Variants in NRXN3 observed in about 807,000 individuals in gnomAD.
NRXN3 encodes neurexin 3.
Under a neutral mutation model 137.6 loss-of-function variants are expected in NRXN3, and 32 were observed. The ratio of observed to expected loss-of-function variants is 0.23; its 90% CI spans 0.18 to 0.31. The LOEUF (loss-of-function observed/expected upper bound fraction) is 0.31. Ranked by LOEUF, NRXN3 falls within the 10% of genes least tolerant of loss-of-function variation. NRXN3 has a pLI of 1.00. For synonymous variants in NRXN3, 798 were observed against 784.5 expected, an observed-to-expected ratio of 1.02 and a Z score of -0.29; for missense variants, 1,574 against 2,062.5, an observed-to-expected ratio of 0.76 and a Z score of 4.59.
chr14:78,425,143 A>G (rs997131050), intron 4 of NRXN3, among the ~76,000 whole-genome samples: 3 of 152,352 alleles, frequency 2.0e-5, no homozygotes, highest in African/African-American at 7.2e-5. Flanking sequence ...CAATGTACTC[A>G]AGATGGATCA....
intron 4 of NRXN3, among the ~76,000 whole-genome samples, chr14:78,301,323 G>A (rs1057266048): frequency 6.6e-6 from 1 of 152,198 alleles, no homozygotes; most frequent in African/African-American, 2.4e-5. Flanking sequence ...AGGAGAAAGA[G>A]ATAACGTAGG....
At chr14:79,129,575 G>A (rs1045907920) in intron 15 of NRXN3, among the ~76,000 whole-genome samples, 1 of 136,012 alleles carries the variant, frequency 7.4e-6, no homozygotes, top group Non-Finnish European at 1.6e-5. Flanking sequence ...TTTTACATTT[G>A]CTGAGGAGAG....
chr14:78,540,003 T>G (rs2096573118), intron 4 of NRXN3, among the ~76,000 whole-genome samples: 1 of 152,208 alleles, frequency 6.6e-6, no homozygotes, highest in Non-Finnish European at 1.5e-5. Flanking sequence ...CTTTTACATT[T>G]GCTGAGGAGT....
chr14:79,307,694 C>G (rs1269450558), intron 15 of NRXN3, among the ~76,000 whole-genome samples: 1 of 152,124 alleles, frequency 6.6e-6, no homozygotes, highest in Non-Finnish European at 1.5e-5. Flanking sequence ...CGTTCTCCAG[C>G]AATGTCTGAT....
intron 15 of NRXN3, among the ~76,000 whole-genome samples, chr14:79,062,286 C>G (rs2099675187): frequency 6.6e-6 from 1 of 152,230 alleles, no homozygotes; most frequent in Non-Finnish European, 1.5e-5. Context: ...GTCCCTCCCT[C>G]CACACCTACA....
intron 4 of NRXN3, among the ~76,000 whole-genome samples, chr14:78,490,890 T>C (rs1178921506): frequency 1.3e-5 from 2 of 152,176 alleles, no homozygotes; most frequent in South Asian, 2.1e-4. Flanking sequence ...TGTTTTTCTG[T>C]CCATAGCTGA....
intron 15 of NRXN3, among the ~76,000 whole-genome samples, chr14:79,167,936 G>GTTTT (rs59584874): frequency 0.038 from 5,063 of 133,840 alleles, 130 homozygotes; most frequent in Non-Finnish European, 0.054. Context: ...TTCTTTCCTT[G>GTTTT]TTTTTTTTTT....
intron 16 of NRXN3, among the ~76,000 whole-genome samples, chr14:79,601,288 A>G (rs1602752725): frequency 6.6e-6 from 1 of 151,946 alleles, no homozygotes; most frequent in Non-Finnish European, 1.5e-5. Flanking sequence ...TGATCTGCCT[A>G]CCTAGGCTTC....
intron 8 of NRXN3, among the ~76,000 whole-genome samples, chr14:78,740,197 G>C (rs2098558334): frequency 6.6e-6 from 1 of 152,096 alleles, no homozygotes. Context: ...AAGTTTTTCT[G>C]GGCTTGCTTT....
At chr14:79,598,193 C>T (rs1410082128) in intron 16 of NRXN3, among the ~76,000 whole-genome samples, 1 of 152,146 alleles carries the variant, frequency 6.6e-6, no homozygotes, top group East Asian at 1.9e-4. Context: ...GATGAACTCA[C>T]TATCGTCTTT....
chr14:79,856,523 T>G (rs2099402870), intron 20 of NRXN3, among the ~76,000 whole-genome samples: 1 of 152,174 alleles, frequency 6.6e-6, no homozygotes, highest in South Asian at 2.1e-4. Context: ...AGAGTCTCAC[T>G]GTTCAGCATC....
At position 78,810,491 on chromosome 14, in the gene NRXN3, G is replaced by T. The variant is rs950165764; in HGVS notation, c.2275+147G>T. 2.3e-5 allele frequency: 4 copies of T among 177,696 alleles called. 1 individual carries two copies. In the South Asian group the frequency reaches 3.7e-4, roughly 16 times the overall value. 11.0% of individuals were successfully genotyped at this position (177,696 alleles called of 1,614,324 possible). On this transcript the variant is annotated intron_variant, in intron 10 of 20. Transcript: ENST00000335750. ...GGGGGGGACCTGGGGCTAAGAAGAT[G>T]GGGGGCTGGGTGAGGGTGAAGGGCT...
chr14:78,257,509 TGA>T (rs2069855972), intron 2 of NRXN3, among the ~76,000 whole-genome samples: 1 of 152,092 alleles, frequency 6.6e-6, no homozygotes, highest in East Asian at 1.9e-4. Flanking sequence ...GCACTTGAAG[TGA>T]GAGTTAGGGA....
intron 16 of NRXN3, among the ~76,000 whole-genome samples, chr14:79,624,055 TA>T (rs1466309195): frequency 6.6e-6 from 1 of 152,150 alleles, no homozygotes; most frequent in Non-Finnish European, 1.5e-5. Flanking sequence ...CTGTTAAAGA[TA>T]AAGACTGCCT....
chr14:78,414,305 A>C (rs776579196), intron 4 of NRXN3, among the ~76,000 whole-genome samples: 1 of 152,080 alleles, frequency 6.6e-6, no homozygotes, highest in African/African-American at 2.4e-5. Flanking sequence ...GGGCCTCAGC[A>C]CATGCCTTTT....
intron 10 of NRXN3, among the ~76,000 whole-genome samples, chr14:78,910,553 A>C (rs2099234270): frequency 6.6e-6 from 1 of 151,928 alleles, no homozygotes; most frequent in African/African-American, 2.4e-5. Context: ...CAGGGCTGGC[A>C]ACCTCTAATC....
chr14:78,768,786 A>G (rs955117602), intron 8 of NRXN3, among the ~76,000 whole-genome samples: 5 of 152,186 alleles, frequency 3.3e-5, no homozygotes, highest in Non-Finnish European at 4.4e-5. Context: ...TTGTTTGGCT[A>G]TAGTGATTTA....
intron 19 of NRXN3, among the ~76,000 whole-genome samples, chr14:79,731,712 C>T (rs1290615384): frequency 6.6e-6 from 1 of 151,464 alleles, no homozygotes; most frequent in Admixed American, 6.6e-5. Flanking sequence ...TCTTGAACAC[C>T]TGACCTCGTG....
chr14:79,215,933 T>C (rs1432407579), intron 15 of NRXN3, among the ~76,000 whole-genome samples: 1 of 152,232 alleles, frequency 6.6e-6, no homozygotes, highest in Non-Finnish European at 1.5e-5. Context: ...TGGTTATCCA[T>C]TGCTGTGTCA....
Sources: gnomAD v4.1 joint callset for allele counts (sites outside exome capture counted in the v4.1 genomes callset) on GRCh38, gnomAD v4.1.1 for gene constraint, MANE v1.5 for transcripts, NCBI Gene and HGNC (gene_info 2026-07-23, HGNC 2026-07-21) for gene names.